The following MSRB3 variants were observed in gnomAD, a reference collection of about 807,000 sequenced individuals.
MSRB3 encodes the protein methionine-R-sulfoxide reductase B3.
Under a neutral mutation model 21.0 loss-of-function variants are expected in MSRB3, and 13 were observed. The ratio of observed to expected loss-of-function variants is 0.62; its 90% CI spans 0.40 to 0.98. The LOEUF is 0.98. Ranked by LOEUF, MSRB3 falls within the 50% of genes least tolerant of loss-of-function variation. The pLI, the probability that MSRB3 is intolerant of heterozygous loss-of-function variation, is 0.00. For synonymous variants in MSRB3, 87 were observed against 88.6 expected (o/e 0.98, Z 0.10); for missense variants, 199 against 230.3 (o/e 0.86, Z 0.88).
At chr12:65,367,651 G>A (rs959942540) in intron 4 of MSRB3, among the ~76,000 whole-genome samples, 45 of 152,214 alleles carry the variant, frequency 3.0e-4, no homozygotes, top group African/African-American at 9.6e-4. Context: ...CTAAGAGATG[G>A]TGGAAACACA....
intron 5 of MSRB3, among the ~76,000 whole-genome samples, chr12:65,373,100 GGAT>G (rs1036278875): frequency 6.6e-6 from 1 of 152,168 alleles, no homozygotes; most frequent in Non-Finnish European, 1.5e-5. Context: ...AAAAAGTGAA[GGAT>G]GAGGGTGAAA....
At chr12:65,427,842 G>A (rs533062205) in intron 5 of MSRB3, among the ~76,000 whole-genome samples, 2 of 152,230 alleles carry the variant, frequency 1.3e-5, no homozygotes, top group Non-Finnish European at 2.9e-5. Context: ...TGCCTGGAGT[G>A]CAGCCATGCA....
chr12:65,422,726 T>C (rs940612112), intron 5 of MSRB3, among the ~76,000 whole-genome samples: 2 of 151,766 alleles, frequency 1.3e-5, no homozygotes, highest in Non-Finnish European at 2.9e-5. Context: ...TTCTTCAATA[T>C]TTTAAATCAA....
chr12:65,320,254 T>C (rs942197392), intron 2 of MSRB3, among the ~76,000 whole-genome samples: 6 of 152,220 alleles, frequency 3.9e-5, no homozygotes, highest in Admixed American at 1.3e-4. Flanking sequence ...AAGAAACAAT[T>C]ATCTTTTTTC....
At chr12:65,361,496 A>G (rs1205880834) in intron 4 of MSRB3, among the ~76,000 whole-genome samples, 2 of 152,170 alleles carry the variant, frequency 1.3e-5, no homozygotes, top group Non-Finnish European at 2.9e-5. Context: ...TCAGAGGTCA[A>G]TTTGTGGAAA....
chr12:65,348,476 T>C (rs1876686928), intron 4 of MSRB3, among the ~76,000 whole-genome samples: 1 of 152,148 alleles, frequency 6.6e-6, no homozygotes, highest in South Asian at 2.1e-4. Flanking sequence ...TTCTTCTCTC[T>C]TTTCTTCTTT....
At chr12:65,341,907 CTTTAA>C (rs958893197) in intron 4 of MSRB3, among the ~76,000 whole-genome samples, 2 of 151,782 alleles carry the variant, frequency 1.3e-5, no homozygotes, top group Admixed American at 6.6e-5. Context: ...AAAATGTATT[CTTTAA>C]TTTAAAAACC....
At chr12:65,458,229 C>T (rs1237472469) in intron 6 of MSRB3, among the ~76,000 whole-genome samples, 1 of 152,072 alleles carries the variant, frequency 6.6e-6, no homozygotes, top group Non-Finnish European at 1.5e-5. Flanking sequence ...TGGTTCCTAC[C>T]TAATTCTCAC....
At position 65,375,478 on chromosome 12, in the gene MSRB3, C is replaced by T. The variant is rs537396372; in HGVS notation, c.292+6452C>T. ...TTTTTTAGAGGCAGGGTCTCTATTG[C>T]CCAGGCTGGAGTGCTGTGGCACGAT... On this transcript the variant is annotated intron_variant, in intron 5 of 6. Coordinates refer to ENST00000308259, the MANE Select transcript of MSRB3 (RefSeq NM_001031679.3). Among the ~76,000 whole-genome samples the T allele has an allele frequency of 2.0e-5, 3 of 152,152 alleles. No homozygotes were observed. The South Asian group carries it at 6.2e-4, about 32-fold the overall frequency.
chr12:65,350,242 G>C, intron 4 of MSRB3, among the ~76,000 whole-genome samples: 1 of 151,416 alleles, frequency 6.6e-6, no homozygotes, highest in South Asian at 2.1e-4. Flanking sequence ...TTATTTCTGA[G>C]GGCTCTGTTC....
chr12:65,364,810 AAC>A (rs1877912832), intron 4 of MSRB3, among the ~76,000 whole-genome samples: 4 of 152,184 alleles, frequency 2.6e-5, no homozygotes, highest in African/African-American at 9.6e-5. Context: ...ATTAACTTAA[AAC>A]AACAAAGGAC....
intron 4 of MSRB3, among the ~76,000 whole-genome samples, chr12:65,340,625 T>G (rs531254528): frequency 3.3e-5 from 5 of 152,154 alleles, no homozygotes; most frequent in African/African-American, 7.2e-5. Flanking sequence ...AATGTAGAAC[T>G]GTTAAATAAA....
intron 5 of MSRB3, among the ~76,000 whole-genome samples, chr12:65,385,877 T>C (rs750586690): frequency 4.5e-4 from 68 of 151,928 alleles, no homozygotes; most frequent in Non-Finnish European, 8.7e-4. Flanking sequence ...ATGTTAAATA[T>C]ACTATTTCTG....
At chr12:65,294,187 T>C (rs908647223) in intron 1 of MSRB3, among the ~76,000 whole-genome samples, 2 of 152,188 alleles carry the variant, frequency 1.3e-5, no homozygotes, top group African/African-American at 2.4e-5. Context: ...TTGTTTCATA[T>C]GGCTTCCAAC....
rs74467823 is a variant in MSRB3, at chr12:65,465,581, G to T, written c.*2259G>T. The T allele has an allele frequency of 1.3e-5, 2 of 151,992 alleles. No individual in the cohort carries two copies. Among genetic ancestry groups the T allele is most frequent in the Non-Finnish European group, 2.9e-5 (2 of 68,010 alleles). The allele number at this position is 151,992 out of a possible 1,614,324, so 9.4% of individuals were successfully genotyped here. ...ACCTCTCTAAGAAGCCTGACATCCC[G>T]GTGGACTCTTTATAGTCATGTACAC... On this transcript the variant is annotated 3_prime_UTR_variant, in exon 7 of 7. Coordinates refer to ENST00000308259, the MANE Select transcript of MSRB3 (RefSeq NM_001031679.3).
At position 65,453,875 on chromosome 12, in the gene MSRB3, G is replaced by A. The variant is rs766373899; in HGVS notation, c.390+50G>A. On this transcript the variant is annotated intron_variant, in intron 6 of 6. Coordinates refer to ENST00000308259, the MANE Select transcript of MSRB3 (RefSeq NM_001031679.3). Reference sequence around the variant, plus strand: ...CAATACATTGCTTTCAGGACTCCTGGTTGTGCTAAATATAGCAACTAAGGC... The same window carrying A: ...CAATACATTGCTTTCAGGACTCCTGATTGTGCTAAATATAGCAACTAAGGC... 28 of 1,482,508 alleles carry A rather than the reference G, an allele frequency of 1.9e-5. No homozygotes were observed. The Admixed American group carries it at 4.0e-4, about 21-fold the overall frequency. 91.8% of individuals were successfully genotyped at this position (1,482,508 alleles called of 1,614,324 possible).
chr12:65,324,664 A>G (rs1216328073), intron 2 of MSRB3, among the ~76,000 whole-genome samples: 15 of 152,212 alleles, frequency 9.9e-5, no homozygotes. Flanking sequence ...AGAATGAAAA[A>G]GAGAGAAACA....
chr12:65,308,586 G>A lies in MSRB3; in HGVS notation c.7G>A (p.Ala3Thr), dbSNP rs1460959351. Residue 3 changes from alanine (A) to threonine (T), a missense_variant, in exon 2 of 7, where the codon GCA (alanine) becomes ACA (threonine). Transcript: ENST00000308259. ...TGGTGAAGATATCACAGTGATGTCT[G>A]CATTCAACCTGCTGCATTTGGTGAC... Reference protein sequence around the residue: MSAFNLLHLVTKS... With the variant: MSTFNLLHLVTKS... 6.2e-7 allele frequency: 1 copy of A among 1,613,916 alleles called. No individual in the cohort carries two copies. Among genetic ancestry groups the A allele is most frequent in the Non-Finnish European group, 8.5e-7 (1 of 1,179,846 alleles).
At chr12:65,290,279 A>G (rs912996463) in intron 1 of MSRB3, among the ~76,000 whole-genome samples, 1 of 152,210 alleles carries the variant, frequency 6.6e-6, no homozygotes, top group African/African-American at 2.4e-5. Context: ...AAGATTAAGG[A>G]CTGAGGCAAG....
Sources: allele counts gnomAD v4.1 joint callset (sites outside exome capture counted in the v4.1 genomes callset), GRCh38; gene constraint gnomAD v4.1.1; transcripts MANE v1.5; gene names NCBI Gene and HGNC (gene_info 2026-07-23, HGNC 2026-07-21).